FBRS: variants seen among roughly 807,000 people sequenced by gnomAD.
FBRS encodes the protein fibrosin, also known as probable fibrosin-1.
A neutral mutation model predicts 86.1 loss-of-function variants in FBRS; 15 were observed. That is an observed-to-expected ratio of 0.17 (90% CI 0.12 to 0.27). FBRS has a LOEUF of 0.27. Ranked by LOEUF, FBRS falls within the 10% of genes least tolerant of loss-of-function variation. The probability of loss-of-function intolerance (pLI) is 1.00; values close to 1 mark genes in which losing one functional copy is unlikely to be tolerated. For missense variants in FBRS, 1,367 were observed against 1,301.6 expected, an observed-to-expected ratio of 1.05 and a Z score of -0.77; for synonymous variants, 666 against 575.8, an observed-to-expected ratio of 1.16 and a Z score of -2.24.
rs756176884 is a variant in FBRS at position 30,670,309 on chromosome 16, G to C, written c.*664G>C. The stretch of plus-strand genomic sequence containing the variant: ...GGGGCCAGCAGGAGATGACCAACAG[G>C]GGGCAGGACCTGGGGACCTGGGCTG... On this transcript the variant is annotated 3_prime_UTR_variant, in exon 18 of 18. Coordinates refer to ENST00000356166, the MANE Select transcript of FBRS (RefSeq NM_001105079.3). 2 of 417,964 alleles carry C rather than the reference G, an allele frequency of 4.8e-6. No homozygotes were observed. The highest frequency in any genetic ancestry group is 3.4e-5 in the South Asian group (2 of 58,902). The allele number at this position is 417,964 out of a possible 1,614,324, so 25.9% of individuals were successfully genotyped here. A position where few individuals can be genotyped will look rare whatever the true frequency, so the allele number is the denominator to read the frequency against.
In FBRS at chr16:30,658,716, T is replaced by A. The variant is rs1363811321; in HGVS notation, c.-803T>A. The A allele has an allele frequency of 6.6e-6, 1 of 152,230 alleles. No homozygotes were observed. Among genetic ancestry groups the A allele is most frequent in the Non-Finnish European group, 1.5e-5 (1 of 68,060 alleles). 9.4% of individuals were successfully genotyped at this position (152,230 alleles called of 1,614,324 possible). Reference sequence around the variant, plus strand: ...GCTGCCCCGCCCCGCCTCGCGCCTTTCATGGCGACCGGAGGCGGAGGCTGG... The same window carrying A: ...GCTGCCCCGCCCCGCCTCGCGCCTTACATGGCGACCGGAGGCGGAGGCTGG... On this transcript the variant is annotated 5_prime_UTR_variant, in exon 1 of 18. Coordinates refer to ENST00000356166, the MANE Select transcript of FBRS (RefSeq NM_001105079.3).
At chr16:30,663,089 G>A (rs1012163801) in intron 6 of FBRS, 4 of 765,266 alleles carry the variant, frequency 5.2e-6, no homozygotes, top group East Asian at 3.5e-5. Flanking sequence ...TGGTGAGAAC[G>A]TTTTTTCAGG....
chr16:30,659,923 G>C lies in FBRS; in HGVS notation c.405G>C (p.Glu135Asp). ...CTGAGGAGGAGGAAGAGGAGGAGGAGGACTTGATCGATGGCTTCGCCATCG... is the reference window on the plus strand; with the variant it reads ...CTGAGGAGGAGGAAGAGGAGGAGGACGACTTGATCGATGGCTTCGCCATCG... ...EEPEEEEEEE[E>D]DLIDGFAIAS... is the part of the protein sequence containing the mutation. The change falls in exon 1 of 18, where the codon GAG (glutamate) becomes GAC (aspartate). Residue 135 changes from glutamate to aspartate, a missense_variant. This residue lies in a region of FBRS where 702 missense variants were observed against 598.7 expected (regional missense o/e 1.17). Coordinates refer to ENST00000356166, the MANE Select transcript of FBRS (RefSeq NM_001105079.3). 1.9e-6 allele frequency: 3 copies of C among 1,551,822 alleles called. No homozygotes were observed. The highest frequency in any genetic ancestry group is 2.6e-6 in the Non-Finnish European group (3 of 1,148,002).
At position 30,665,385 on chromosome 16, in the gene FBRS, G is replaced by A. The variant is rs1365912953; in HGVS notation, c.1688G>A (p.Gly563Glu). Reference protein sequence around the residue: ...PPAVSFGSLQGAFQPKSTNPE... With the variant: ...PPAVSFGSLQEAFQPKSTNPE... ...GCCGTCTCCTTTGGCTCCCTGCAGG[G>A]GGCCTTCCAGCCCAAGGTGAGCTCC... Residue 563 changes from glycine to glutamate, a missense_variant, in exon 10 of 18, where the codon GGG becomes GAG. Physicochemically the swap from Gly to Glu is moderately conservative, Grantham distance 98. Coordinates refer to ENST00000356166, the MANE Select transcript of FBRS (RefSeq NM_001105079.3). This position sits in a 1 kb window ranked among gnomAD's most constrained non-coding sequence, Gnocchi z 4.1. 1.3e-6 allele frequency: 2 copies of A among 1,569,764 alleles called. No homozygotes were observed. The highest frequency in any genetic ancestry group is 1.7e-6 in the Non-Finnish European group (2 of 1,157,858).
At position 30,659,650 on chromosome 16, in the gene FBRS, C is replaced by G. The variant is rs1596611610; in HGVS notation, c.132C>G (p.Pro44=). 2 of 534,190 alleles carry G rather than the reference C, an allele frequency of 3.7e-6. No homozygotes were observed. Among genetic ancestry groups the G allele is most frequent in the East Asian group, 3.6e-5 (1 of 27,778 alleles). The allele number at this position is 534,190 out of a possible 1,614,324, so 33.1% of individuals were successfully genotyped here. The change falls in exon 1 of 18, where the codon CCC becomes CCG. Residue 44 remains proline (P), a synonymous_variant. Transcript: ENST00000356166. ...RRRRGPGGDA[P]RALLAAPRGS... ...GCCGAGGTCCAGGCGGCGACGCGCC[C>G]CGGGCCCTGTTGGCCGCCCCGCGCG...
chr16:30,658,740 G>A lies in FBRS; in HGVS notation c.-779G>A, dbSNP rs938468879. ...TTCATGGCGACCGGAGGCGGAGGCTGGAGGAGCTGGGCCCGGAGGAGGCCC... is the reference window on the plus strand; with the variant it reads ...TTCATGGCGACCGGAGGCGGAGGCTAGAGGAGCTGGGCCCGGAGGAGGCCC... On this transcript the variant is annotated 5_prime_UTR_variant, in exon 1 of 18. It introduces an in-frame stop codon into an upstream open reading frame of the 5' UTR. Coordinates refer to ENST00000356166, the MANE Select transcript of FBRS (RefSeq NM_001105079.3). 6.6e-6 allele frequency: 1 copy of A among 152,274 alleles called. No homozygotes were observed. The highest frequency in any genetic ancestry group is 2.4e-5 in the African/African-American group (1 of 41,458). The allele number at this position is 152,274 out of a possible 1,614,324, so 9.4% of individuals were successfully genotyped here.
At chr16:30,667,728 C>A in intron 15 of FBRS, 106 bp downstream of exon 15, 1 of 1,033,272 alleles carries the variant, frequency 9.7e-7, no homozygotes, top group Non-Finnish European at 1.4e-6. Flanking sequence ...CCTGGTTCCA[C>A]TTGCTTAGTG....
In FBRS at chr16:30,669,689, T is replaced by G. The variant is rs1299861979; in HGVS notation, c.*44T>G. ...GGGGCAAAGCTCCATCTCCCCTTCC[T>G]TTAACCAGGTCCTAGGGCTGAGGTT... On this transcript the variant is annotated 3_prime_UTR_variant, in exon 18 of 18. Coordinates refer to ENST00000356166, the MANE Select transcript of FBRS (RefSeq NM_001105079.3). The surrounding 1 kb of genome is among the most constrained non-coding windows in gnomAD (Gnocchi z 5.9). 2 of 1,536,724 alleles carry G rather than the reference T, an allele frequency of 1.3e-6. No individual in the cohort carries two copies. The highest frequency in any genetic ancestry group is 2.4e-5 in the South Asian group (2 of 82,282).
At chr16:30,667,744 G>A (rs2151272399) in intron 15 of FBRS, 122 bp downstream of exon 15, 1 of 868,378 alleles carries the variant, frequency 1.2e-6, no homozygotes, top group South Asian at 2.2e-5. Context: ...TAGTGACCTT[G>A]GGCAGGTTAC....
In FBRS at chr16:30,659,882, G is replaced by C; in HGVS notation, c.364G>C (p.Glu122Gln). The C allele has an allele frequency of 6.5e-7, 1 of 1,547,182 alleles. No homozygotes were observed. The highest frequency in any genetic ancestry group is 8.7e-7 in the Non-Finnish European group (1 of 1,146,866). ...EEEEGGADDGEAEEEPEEEEE... is the reference protein window; with the variant it reads ...EEEEGGADDGQAEEEPEEEEE... ...GGAGGAGGGGGGCGCAGACGACGGC[G>C]AAGCCGAGGAGGAGCCTGAGGAGGA... Residue 122 changes from glutamate to glutamine, a missense_variant, in exon 1 of 18, where the codon GAA becomes CAA. Glu to Gln is a conservative substitution (Grantham distance 29). This residue lies in a region of FBRS where 702 missense variants were observed against 598.7 expected (regional missense o/e 1.17). Transcript: ENST00000356166.
Position 30,660,279 on chromosome 16 carries a change from A to G in FBRS, c.476A>G (p.Gln159Arg). Residue 159 changes from glutamine (Q) to arginine (R), a missense_variant, in exon 2 of 18, where the codon CAG (glutamine) becomes CGG (arginine). Gln to Arg is a conservative substitution (Grantham distance 43). This residue lies in a region of FBRS where 702 missense variants were observed against 598.7 expected (regional missense o/e 1.17). Coordinates refer to ENST00000356166, the MANE Select transcript of FBRS (RefSeq NM_001105079.3). The stretch of plus-strand genomic sequence containing the variant: ...CCTCCACAGAAGGATGCATCTCTTC[A>G]GCCCCCAGAGCGACTGGAACATCGG... ...LEALQKDASL[Q>R]PPERLEHRLK... 1.5e-6 allele frequency: 2 copies of G among 1,308,092 alleles called. No individual in the cohort carries two copies. Among genetic ancestry groups the G allele is most frequent in the Non-Finnish European group, 2.0e-6 (2 of 1,020,646 alleles). 81.0% of individuals were successfully genotyped at this position (1,308,092 alleles called of 1,614,324 possible). A position where few individuals can be genotyped will look rare whatever the true frequency, so the allele number is the denominator to read the frequency against.
chr16:30,664,075 T>TG (rs34946738), intron 6 of FBRS, 140 bp from the exon 7 acceptor site: 8 of 1,061,998 alleles, frequency 7.5e-6, no homozygotes, highest in African/African-American at 4.9e-5. Flanking sequence ...ATTCCCTCGG[T>TG]GGGGGGCGGT....
At position 30,669,259 on chromosome 16, in the gene FBRS, C is replaced by G. The variant is rs768890782; in HGVS notation, c.2557C>G (p.Gln853Glu). 1.9e-6 allele frequency: 3 copies of G among 1,560,906 alleles called. No homozygotes were observed. In the South Asian group the frequency reaches 3.5e-5, roughly 18 times the overall value. The change falls in exon 18 of 18, where the codon CAG becomes GAG. Residue 853 changes from glutamine to glutamate, a missense_variant. By Grantham distance (29) the Gln-to-Glu change is conservative. Around this residue, in one of 3 missense-constraint regions of FBRS, gnomAD observed 659 missense variants for 678.8 expected, o/e 0.97. Coordinates refer to ENST00000356166, the MANE Select transcript of FBRS (RefSeq NM_001105079.3). The surrounding 1 kb of genome is among the most constrained non-coding windows in gnomAD (Gnocchi z 5.9). ...CGCCGCCGCAGCAGCCACTGGGCCC[C>G]AGGGCCTTCACCTGCTGTTTGAGAG... ...AAAAAAATGP[Q>E]GLHLLFERPR...
At chr16:30,663,027 C>A in intron 6 of FBRS, 168 bp downstream of exon 6, 1 of 1,200,950 alleles carries the variant, frequency 8.3e-7, no homozygotes, top group Non-Finnish European at 1.1e-6. Context: ...GAGTCCGTTA[C>A]ACATTCCCAT....
At chr16:30,666,802 G>A (rs2052527209) in intron 12 of FBRS, 117 bp from the exon 13 acceptor site, 1 of 1,222,202 alleles carries the variant, frequency 8.2e-7, no homozygotes, top group Admixed American at 2.0e-5. Flanking sequence ...CTTGGTTGTA[G>A]GAATGATGAG....
At position 30,660,323 on chromosome 16, in the gene FBRS, C is replaced by A; in HGVS notation, c.520C>A (p.Arg174=). Reference sequence around the variant, plus strand: ...ACATCGGCTGAAGCATTCTGGGAAGCGGAAAAGGGGGGGCTCCAGTGGGGC... The same window carrying A: ...ACATCGGCTGAAGCATTCTGGGAAGAGGAAAAGGGGGGGCTCCAGTGGGGC... ...LEHRLKHSGK[R]KRGGSSGATG... The change falls in exon 2 of 18, where the codon CGG becomes AGG. Residue 174 remains arginine, a synonymous_variant. Coordinates refer to ENST00000356166, the MANE Select transcript of FBRS (RefSeq NM_001105079.3). 2 of 1,298,926 alleles carry A rather than the reference C, an allele frequency of 1.5e-6. No individual in the cohort carries two copies. The highest frequency in any genetic ancestry group is 2.5e-5 in the South Asian group (1 of 39,946). The allele number at this position is 1,298,926 out of a possible 1,614,324, so 80.5% of individuals were successfully genotyped here. A position where few individuals can be genotyped will look rare whatever the true frequency, so the allele number is the denominator to read the frequency against.
intron 3 of FBRS, 21 bp downstream of exon 3, chr16:30,661,236 C>G (rs1033847746): frequency 4.5e-6 from 7 of 1,550,868 alleles, no homozygotes; most frequent in Non-Finnish European, 4.4e-6. Flanking sequence ...TCCACCTGTC[C>G]TGGCCCCTCC....
intron 6 of FBRS, chr16:30,663,203 T>G (rs1267277374): frequency 8.7e-6 from 2 of 230,374 alleles, no homozygotes; most frequent in Admixed American, 5.8e-5. Context: ...ATTCAAATTC[T>G]TGCTCTGACG....
Position 30,665,602 on chromosome 16 carries a change from G to A in FBRS, c.1705-36G>A, listed in dbSNP as rs748257048. The A allele has an allele frequency of 1.2e-5, 18 of 1,558,132 alleles. No homozygotes were observed. The African/African-American group carries it at 1.9e-4, about 16-fold the overall frequency. ...CTGGATCCCTTTGTGCTTGGTGCCA[G>A]CTCTCCTGTCTGATCCCTCCACTCC... On this transcript the variant is annotated intron_variant, in intron 10 of 17. Coordinates refer to ENST00000356166, the MANE Select transcript of FBRS (RefSeq NM_001105079.3). The surrounding 1 kb of genome is among the most constrained non-coding windows in gnomAD (Gnocchi z 4.1).
Sources: gnomAD v4.1 joint callset for allele counts on GRCh38, gnomAD v4.1.1 for gene constraint, gnomAD v4.1.1 regional missense constraint, Gnocchi (gnomAD v3.1) non-coding constraint, MANE v1.5 for transcripts, NCBI Gene and HGNC (gene_info 2026-07-23, HGNC 2026-07-21) for gene names.